The following TULP3 variants were observed in gnomAD, a reference collection of about 807,000 sequenced individuals.
TULP3 encodes tubby-related protein 3.
Under a neutral mutation model 50.7 loss-of-function variants are expected in TULP3, and 38 were observed. That is an observed-to-expected ratio of 0.75 (90% CI 0.58 to 0.98). The LOEUF is 0.98. Ranked by LOEUF, TULP3 falls within the 50% of genes least tolerant of loss-of-function variation. The pLI is 0.00. For synonymous variants in TULP3, 183 were observed against 196.6 expected, an observed-to-expected ratio of 0.93 and a Z score of 0.58; for missense variants, 550 against 568.0, an observed-to-expected ratio of 0.97 and a Z score of 0.32.
chr12:2,893,620 C>T (rs1202210347), intron 1 of TULP3, among the ~76,000 whole-genome samples: 1 of 151,994 alleles, frequency 6.6e-6, no homozygotes, highest in African/African-American at 2.4e-5. Context: ...CCAACCCTGC[C>T]TGGCTGTTTA....
At chr12:2,909,379 G>C in intron 1 of TULP3, 150 bp from the exon 2 acceptor site, 1 of 650,580 alleles carries the variant, frequency 1.5e-6, no homozygotes, top group South Asian at 2.0e-5. Context: ...TCCTCCTGTA[G>C]CCAGTGTGGG....
In TULP3 at chr12:2,920,871, C is replaced by G; in HGVS notation, c.202C>G (p.Gln68Glu). ...RRAKPRASDEQTPLVNCHTPH... is the reference protein window; with the variant it reads ...RRAKPRASDEETPLVNCHTPH... ...GGCAAAGCCAAGGGCCAGTGATGAG[C>G]AGACTCCCTTGGTGAACTGTCATAC... Residue 68 changes from glutamine to glutamate, a missense_variant, in exon 3 of 11, where the codon CAG becomes GAG. Coordinates refer to ENST00000448120, the MANE Select transcript of TULP3 (RefSeq NM_003324.5). The G allele has an allele frequency of 1.2e-6, 2 of 1,614,164 alleles. No individual in the cohort carries two copies. Among genetic ancestry groups the G allele is most frequent in the Non-Finnish European group, 1.7e-6 (2 of 1,180,032 alleles).
At chr12:2,908,110 G>A (rs1308412478) in intron 1 of TULP3, among the ~76,000 whole-genome samples, 1 of 152,200 alleles carries the variant, frequency 6.6e-6, no homozygotes, top group East Asian at 1.9e-4. Flanking sequence ...CTATGCATTA[G>A]TAAGATGCAT....
Position 2,939,677 on chromosome 12 carries a change from C to T in TULP3, c.*233C>T. The T allele has an allele frequency of 7.2e-7, 1 of 1,392,404 alleles. No individual in the cohort carries two copies. Among genetic ancestry groups the T allele is most frequent in the East Asian group, 2.7e-5 (1 of 37,154 alleles). The allele number at this position is 1,392,404 out of a possible 1,614,324, so 86.3% of individuals were successfully genotyped here. On this transcript the variant is annotated 3_prime_UTR_variant, in exon 11 of 11. Coordinates refer to ENST00000448120, the MANE Select transcript of TULP3 (RefSeq NM_003324.5). The surrounding 1 kb of genome is among the most constrained non-coding windows in gnomAD (Gnocchi z 4.0). Reference sequence around the variant, plus strand: ...CAATAGTTTGCCCCTTTTGGAACGACCCCTGAATATATAAAACACACACGA... The same window carrying T: ...CAATAGTTTGCCCCTTTTGGAACGATCCCTGAATATATAAAACACACACGA...
intron 2 of TULP3, among the ~76,000 whole-genome samples, chr12:2,911,102 T>A (rs888747734): frequency 1.3e-5 from 2 of 152,162 alleles, no homozygotes; most frequent in Non-Finnish European, 1.5e-5. Context: ...TTTTTTTTTT[T>A]AAGGTGGCCC....
rs2098204436 is a variant in TULP3 at position 2,940,875 on chromosome 12, T to TCAC, written c.*1442_*1444dup. The TCAC allele has an allele frequency of 4.3e-6, 3 of 693,724 alleles. No individual in the cohort carries two copies. Among genetic ancestry groups the TCAC allele is most frequent in the Middle Eastern group, 2.7e-4 (1 of 3,734 alleles). 43.0% of individuals were successfully genotyped at this position (693,724 alleles called of 1,614,324 possible). The stretch of plus-strand genomic sequence containing the variant: ...CCATGCCCAGAAGCCTCACACCTCG[T>TCAC]CACCACCACCACCCCCCACCCCATC... On this transcript the variant is annotated 3_prime_UTR_variant, in exon 11 of 11. Coordinates refer to ENST00000448120, the MANE Select transcript of TULP3 (RefSeq NM_003324.5).
chr12:2,938,411 TC>T, intron 10 of TULP3, 126 bp downstream of exon 10: 1 of 1,149,962 alleles, frequency 8.7e-7, no homozygotes. Context: ...AGACAGGATT[TC>T]TTTGGAAAGA....
chr12:2,897,234 C>T (rs10744582), intron 1 of TULP3, among the ~76,000 whole-genome samples: 74,549 of 151,740 alleles, frequency 0.49, 19,049 homozygotes, highest in African/African-American at 0.64. Context: ...GGTCTCGAAC[C>T]CCTTACCTCA....
At chr12:2,919,770 A>G (rs917424068) in intron 2 of TULP3, among the ~76,000 whole-genome samples, 25 of 151,088 alleles carry the variant, frequency 1.7e-4, no homozygotes, top group African/African-American at 5.3e-4. Flanking sequence ...TTTTTTTCTC[A>G]TAGTCTGTCA....
At chr12:2,935,192 C>G (rs1215855295) in intron 8 of TULP3, among the ~76,000 whole-genome samples, 5 of 152,138 alleles carry the variant, frequency 3.3e-5, no homozygotes, top group Non-Finnish European at 7.3e-5. Flanking sequence ...TGGCATGCCC[C>G]TCCTTCCCAT....
chr12:2,919,643 C>A (rs566947230), intron 2 of TULP3, among the ~76,000 whole-genome samples: 1 of 152,212 alleles, frequency 6.6e-6, no homozygotes, highest in South Asian at 2.1e-4. Flanking sequence ...TGGGGCTTAA[C>A]ATTTTTCCTA....
At chr12:2,931,275 G>T (rs958703934) in intron 6 of TULP3, 35 bp downstream of exon 6, 2 of 1,602,168 alleles carry the variant, frequency 1.2e-6, no homozygotes, top group African/African-American at 1.3e-5. Context: ...ACTCTTGAGA[G>T]AGAGAAGAAT....
intron 9 of TULP3, 58 bp downstream of exon 9, chr12:2,937,787 C>T: frequency 9.0e-7 from 1 of 1,114,166 alleles, no homozygotes; most frequent in Non-Finnish European, 1.3e-6. Context: ...GTACAATACA[C>T]AGAGATTAAT....
intron 1 of TULP3, among the ~76,000 whole-genome samples, chr12:2,898,359 C>A (rs1481572440): frequency 2.0e-5 from 3 of 152,112 alleles, no homozygotes; most frequent in Admixed American, 1.3e-4. Flanking sequence ...CAGATGGGGT[C>A]TTGCTTTGTT....
At chr12:2,934,311 A>G in intron 7 of TULP3, 136 bp from the exon 8 acceptor site, 1 of 558,182 alleles carries the variant, frequency 1.8e-6, no homozygotes, top group African/African-American at 1.9e-5. Flanking sequence ...TTAATGAGAT[A>G]TTTTTGAAAA....
intron 8 of TULP3, among the ~76,000 whole-genome samples, chr12:2,935,157 A>G (rs1300862162): frequency 6.6e-6 from 1 of 152,180 alleles, no homozygotes; most frequent in Non-Finnish European, 1.5e-5. Flanking sequence ...CTAACATGGT[A>G]GCATTTGCTT....
intron 8 of TULP3, among the ~76,000 whole-genome samples, chr12:2,937,334 A>T (rs1252553427): frequency 6.9e-6 from 1 of 143,970 alleles, no homozygotes; most frequent in East Asian, 2.3e-4. Flanking sequence ...CTCCTGCCTC[A>T]GCCTCCCGAG....
chr12:2,899,919 C>CA lies in TULP3; in HGVS notation c.41+8939dup, dbSNP rs796727543. ...AAAAAAAAACAAACAAAAAAAAAAACAAAAAAAACTTGGAGACGGCTGTGG... is the reference window on the plus strand; with the variant it reads ...AAAAAAAAACAAACAAAAAAAAAAACAAAAAAAAACTTGGAGACGGCTGTGG... On this transcript the variant is annotated intron_variant, in intron 1 of 10. Coordinates refer to ENST00000448120, the MANE Select transcript of TULP3 (RefSeq NM_003324.5). 1.8e-3 allele frequency among the ~76,000 whole-genome samples: 82 copies of CA among 46,718 alleles called. 1 individual carries two copies. The highest frequency in any genetic ancestry group is 0.024 in the Middle Eastern group (2 of 82). 30.6% of individuals were successfully genotyped at this position (46,718 alleles called of 152,430 possible).
intron 1 of TULP3, among the ~76,000 whole-genome samples, chr12:2,907,669 T>C (rs2098183136): frequency 7.0e-6 from 1 of 142,616 alleles, no homozygotes; most frequent in Non-Finnish European, 1.5e-5. Flanking sequence ...AAATTTTTTA[T>C]TCTTATACAC....
Sources: allele counts gnomAD v4.1 joint callset (sites outside exome capture counted in the v4.1 genomes callset), GRCh38; gene constraint gnomAD v4.1.1; non-coding constraint Gnocchi (gnomAD v3.1); transcripts MANE v1.5; gene names NCBI Gene and HGNC (gene_info 2026-07-23, HGNC 2026-07-21).